PRKG1: variants seen among roughly 807,000 people sequenced by gnomAD.
PRKG1 encodes the protein protein kinase cGMP-dependent 1.
PRKG1 carries 35 observed loss-of-function variants against 88.1 expected under a neutral mutation model. The observed-to-expected ratio is 0.40, with a 90% CI of 0.30 to 0.53. PRKG1 has a LOEUF of 0.53. Among genes scored for constraint, PRKG1 ranks in the 20% least tolerant of loss-of-function variants. PRKG1 has a pLI of 0.59. For missense variants in PRKG1, 540 were observed against 839.8 expected (o/e 0.64, Z 4.41); for synonymous variants, 303 against 292.5 (o/e 1.04, Z -0.37).
chr10:51,295,736 A>T (rs532416209), intron 2 of PRKG1, among the ~76,000 whole-genome samples: 1 of 152,100 alleles, frequency 6.6e-6, no homozygotes, highest in Non-Finnish European at 1.5e-5. Context: ...GTGAGAATGG[A>T]CATCCATATC....
chr10:51,295,090 A>G (rs75138066), intron 2 of PRKG1, among the ~76,000 whole-genome samples: 2 of 148,814 alleles, frequency 1.3e-5, no homozygotes, highest in Admixed American at 6.7e-5. Flanking sequence ...CTCTAAGAGG[A>G]AAAAAAAAAG....
chr10:51,423,972 C>T (rs1838496494), intron 2 of PRKG1, among the ~76,000 whole-genome samples: 1 of 152,036 alleles, frequency 6.6e-6, no homozygotes, highest in African/African-American at 2.4e-5. Context: ...TTTAATATTC[C>T]TATGCTGCAA....
At chr10:52,105,826 T>G (rs1280990186) in intron 7 of PRKG1, among the ~76,000 whole-genome samples, 1 of 152,136 alleles carries the variant, frequency 6.6e-6, no homozygotes, top group Non-Finnish European at 1.5e-5. Context: ...TTTTATTTTT[T>G]TTTATTTCAA....
intron 3 of PRKG1, among the ~76,000 whole-genome samples, chr10:51,551,023 G>C (rs911694049): frequency 2.6e-5 from 4 of 151,828 alleles, no homozygotes; most frequent in African/African-American, 4.8e-5. Context: ...TATAAAAATA[G>C]TACCATGATA....
intron 2 of PRKG1, among the ~76,000 whole-genome samples, chr10:51,246,834 A>G (rs1839305200): frequency 1.3e-5 from 2 of 151,974 alleles, no homozygotes; most frequent in South Asian, 2.1e-4. Flanking sequence ...CCCCTTATTG[A>G]TACCCTGTGA....
intron 1 of PRKG1, among the ~76,000 whole-genome samples, chr10:51,027,772 C>A (rs1484077440): frequency 6.6e-6 from 1 of 152,112 alleles, no homozygotes; most frequent in Non-Finnish European, 1.5e-5. Flanking sequence ...TGGTGCTACA[C>A]CAAGTGGAAA....
chr10:51,699,096 G>C, intron 3 of PRKG1: 1 of 1,614,178 alleles, frequency 6.2e-7, no homozygotes, highest in Non-Finnish European at 8.5e-7. Flanking sequence ...TGGCTGTTTT[G>C]GACACAGAGC....
intron 3 of PRKG1, among the ~76,000 whole-genome samples, chr10:51,702,345 A>G (rs1841489914): frequency 6.6e-6 from 1 of 152,190 alleles, no homozygotes; most frequent in Non-Finnish European, 1.5e-5. Flanking sequence ...TGCCCAGAAC[A>G]CATGAACTAA....
chr10:51,710,899 A>G (rs925949130), intron 3 of PRKG1, among the ~76,000 whole-genome samples: 7 of 152,024 alleles, frequency 4.6e-5, no homozygotes, highest in Non-Finnish European at 1.0e-4. Flanking sequence ...GGGTCTCCCT[A>G]TGTTAGCCAG....
chr10:52,054,986 A>G (rs150765539), intron 6 of PRKG1, among the ~76,000 whole-genome samples: 2,764 of 152,244 alleles, frequency 0.018, 32 homozygotes, highest in South Asian at 0.029. Context: ...AATAGAAAAA[A>G]TTAGCTGGGC....
chr10:52,059,826 C>T (rs1846194786), intron 6 of PRKG1, among the ~76,000 whole-genome samples: 1 of 151,784 alleles, frequency 6.6e-6, no homozygotes, highest in African/African-American at 2.4e-5. Flanking sequence ...ATGTATATTT[C>T]TAAATACTGT....
chr10:51,212,097 G>C (rs1225058041), intron 2 of PRKG1, among the ~76,000 whole-genome samples: 1 of 152,152 alleles, frequency 6.6e-6, no homozygotes, highest in African/African-American at 2.4e-5. Context: ...AAAACAGCAT[G>C]ATACTGGTAC....
intron 2 of PRKG1, among the ~76,000 whole-genome samples, chr10:51,420,215 T>TG (rs1838370050): frequency 6.6e-6 from 1 of 152,026 alleles, no homozygotes; most frequent in Non-Finnish European, 1.5e-5. Flanking sequence ...GCAAGAGAAT[T>TG]GAGAGGTGGG....
rs535658968 is a variant in PRKG1, at chr10:52,225,707, C to T, written c.1077-25863C>T. On this transcript the variant is annotated intron_variant, in intron 9 of 17. Transcript: ENST00000373980. ...TCTAGTTTCATTCTCCTACATGTGG[C>T]TAGCCAATCATCCCAGCACCATTTG... Among the ~76,000 whole-genome samples, 26 of 152,264 alleles carry T rather than the reference C, an allele frequency of 1.7e-4. No individual in the cohort carries two copies. In the South Asian group the frequency reaches 4.8e-3, roughly 28 times the overall value.
chr10:51,672,044 A>G (rs1398842376), intron 3 of PRKG1, among the ~76,000 whole-genome samples: 3 of 151,912 alleles, frequency 2.0e-5, no homozygotes, highest in African/African-American at 7.3e-5. Context: ...TAAACTATCT[A>G]TTTATCTTTG....
At chr10:52,105,968 C>G (rs1460843216) in intron 7 of PRKG1, among the ~76,000 whole-genome samples, 1 of 152,088 alleles carries the variant, frequency 6.6e-6, no homozygotes, top group African/African-American at 2.4e-5. Flanking sequence ...TCCCCCCACT[C>G]CCCTCCCACT....
chr10:51,948,612 T>C (rs1843113146), intron 5 of PRKG1, among the ~76,000 whole-genome samples: 2 of 152,104 alleles, frequency 1.3e-5, no homozygotes, highest in Admixed American at 6.6e-5. Context: ...CTTTTTGTTA[T>C]ATTTAAATTC....
At chr10:51,221,711 T>C (rs1838537054) in intron 2 of PRKG1, among the ~76,000 whole-genome samples, 2 of 150,864 alleles carry the variant, frequency 1.3e-5, no homozygotes, top group African/African-American at 4.9e-5. Flanking sequence ...AAGAGGAAAA[T>C]AGTGAGCAGT....
chr10:51,602,032 T>C (rs899129415), intron 3 of PRKG1, among the ~76,000 whole-genome samples: 2 of 152,234 alleles, frequency 1.3e-5, no homozygotes, highest in East Asian at 3.9e-4. Flanking sequence ...TCATGTCTCA[T>C]GTCTCTTCGG....
Sources: allele counts gnomAD v4.1 joint callset (sites outside exome capture counted in the v4.1 genomes callset), GRCh38; gene constraint gnomAD v4.1.1; transcripts MANE v1.5; gene names NCBI Gene and HGNC (gene_info 2026-07-23, HGNC 2026-07-21).